FARP2: variants seen among roughly 807,000 people sequenced by gnomAD.
FARP2 encodes the protein FERM, ARH/RhoGEF and pleckstrin domain protein 2, also known as FERM, ARHGEF and pleckstrin domain-containing protein 2.
In FARP2, 111 loss-of-function variants were observed where a neutral mutation model predicts 130.5. That is an observed-to-expected ratio of 0.85 (90% confidence interval 0.73 to 1.00). The LOEUF is 1.00. Ranked by LOEUF, FARP2 falls within the 50% of genes least tolerant of loss-of-function variation. The probability of loss-of-function intolerance (pLI) is 0.00; values close to 1 mark genes in which losing one functional copy is unlikely to be tolerated. For synonymous variants in FARP2, 504 were observed against 516.9 expected (o/e 0.98, Z 0.34); for missense variants, 1,385 against 1,346.3 (o/e 1.03, Z -0.45).
intron 5 of FARP2, among the ~76,000 whole-genome samples, chr2:241,407,979 C>T (rs1235249639): frequency 6.6e-6 from 1 of 151,860 alleles, no homozygotes. Context: ...GTAGAAGTAC[C>T]CAGTGTGTTA....
chr2:241,443,577 C>T, intron 13 of FARP2: 1 of 152,246 alleles, frequency 6.6e-6, no homozygotes, highest in East Asian at 1.9e-4. Flanking sequence ...TGCTGGGTAC[C>T]ACATGGAGAG....
intron 1 of FARP2, among the ~76,000 whole-genome samples, chr2:241,369,202 G>C (rs575207346): frequency 1.3e-5 from 2 of 151,538 alleles, no homozygotes; most frequent in East Asian, 3.9e-4. Context: ...CCTTAAGCTA[G>C]GAAAAGTGTT....
chr2:241,421,990 G>A (rs1316218147), intron 8 of FARP2, among the ~76,000 whole-genome samples: 1 of 151,242 alleles, frequency 6.6e-6, no homozygotes, highest in East Asian at 1.9e-4. Context: ...CTAAAAATAC[G>A]AAAATTAGCT....
chr2:241,392,203 T>C (rs1447862085), intron 2 of FARP2, among the ~76,000 whole-genome samples: 1 of 152,208 alleles, frequency 6.6e-6, no homozygotes, highest in African/African-American at 2.4e-5. Context: ...TGTGAGCCGC[T>C]GGCTCTCCTG....
chr2:241,357,662 T>A (rs2061099367), intron 1 of FARP2, among the ~76,000 whole-genome samples: 1 of 152,200 alleles, frequency 6.6e-6, no homozygotes, highest in Non-Finnish European at 1.5e-5. Context: ...ATACCATCTG[T>A]ACTTCTCATG....
At chr2:241,406,210 G>A (rs923272805) in intron 4 of FARP2, among the ~76,000 whole-genome samples, 6 of 148,014 alleles carry the variant, frequency 4.1e-5, no homozygotes, top group African/African-American at 1.5e-4. Context: ...CAGGAGGCTG[G>A]GGCAGGAGAA....
intron 1 of FARP2, 80 bp downstream of exon 1, chr2:241,356,468 G>A (rs1208499499): frequency 1.3e-5 from 2 of 152,306 alleles, no homozygotes; most frequent in African/African-American, 4.8e-5. Context: ...GGCCCGAGGC[G>A]AGAGGCCCAG....
intron 13 of FARP2, 134 bp from the exon 14 acceptor site, chr2:241,456,613 T>C: frequency 1.3e-6 from 1 of 769,954 alleles, no homozygotes; most frequent in Non-Finnish European, 2.2e-6. Context: ...AGGCTGTACA[T>C]ACACATTTTA....
In FARP2 at chr2:241,420,821, TC is replaced by T. The variant is rs1222242958; in HGVS notation, c.771+2714del. ...GGGCTCCACAATTTCATCTCCATCA[TC>T]CACAGAGTTATGACAGCCTCAGTTC... On this transcript the variant is annotated intron_variant, in intron 8 of 26. Transcript: ENST00000264042. Among the ~76,000 whole-genome samples the T allele has an allele frequency of 2.0e-5, 3 of 152,140 alleles. 1 individual carries two copies. The highest frequency in any genetic ancestry group is 7.2e-5 in the African/African-American group (3 of 41,440).
intron 2 of FARP2, among the ~76,000 whole-genome samples, chr2:241,375,391 GT>G (rs1213281098): frequency 7.9e-5 from 12 of 151,836 alleles, no homozygotes; most frequent in African/African-American, 2.9e-4. Context: ...GTACTAATAG[GT>G]TTACTTTTAG....
chr2:241,493,729 A>G (rs1208887538), intron 26 of FARP2: 2 of 511,028 alleles, frequency 3.9e-6, no homozygotes, highest in Non-Finnish European at 7.0e-6. Context: ...TGAGTAACTG[A>G]GATTACAGGC....
intron 8 of FARP2, among the ~76,000 whole-genome samples, chr2:241,424,978 G>A (rs954271410): frequency 6.6e-6 from 1 of 152,110 alleles, no homozygotes; most frequent in Non-Finnish European, 1.5e-5. Flanking sequence ...GAGGCCAATG[G>A]GGGCAGATCA....
intron 12 of FARP2, among the ~76,000 whole-genome samples, chr2:241,436,761 G>C (rs2063240328): frequency 6.6e-6 from 1 of 152,172 alleles, no homozygotes; most frequent in African/African-American, 2.4e-5. Context: ...AGGGCAGGAG[G>C]GTTGCTTCAG....
chr2:241,456,969 C>T lies in FARP2; in HGVS notation c.1587+47C>T, dbSNP rs1309333366. On this transcript the variant is annotated intron_variant, in intron 14 of 26. Coordinates refer to ENST00000264042, the MANE Select transcript of FARP2 (RefSeq NM_014808.4). ...AGCTAGCAGAGGGTTGCAGGGTGGGCCTGTTTTCACTGTTCCTTCGGGTGG... is the reference window on the plus strand; with the variant it reads ...AGCTAGCAGAGGGTTGCAGGGTGGGTCTGTTTTCACTGTTCCTTCGGGTGG... 4.7e-6 allele frequency: 7 copies of T among 1,491,408 alleles called. No individual in the cohort carries two copies. In the South Asian group the frequency reaches 9.3e-5, roughly 20 times the overall value. 92.4% of individuals were successfully genotyped at this position (1,491,408 alleles called of 1,614,324 possible). A position where few individuals can be genotyped will look rare whatever the true frequency, so the allele number is the denominator to read the frequency against.
At position 241,403,542 on chromosome 2, in the gene FARP2, A is replaced by G. The variant is rs546897914; in HGVS notation, c.184-286A>G. Reference sequence around the variant, plus strand: ...ATCGAAATTATTTGATAAAATATTTACCAAAACTAGAAATGGTTTCTATAG... The same window carrying G: ...ATCGAAATTATTTGATAAAATATTTGCCAAAACTAGAAATGGTTTCTATAG... On this transcript the variant is annotated intron_variant, in intron 2 of 26. Transcript: ENST00000264042. Among the ~76,000 whole-genome samples the G allele has an allele frequency of 7.8e-4, 119 of 152,338 alleles. 1 individual carries two copies. Among genetic ancestry groups the G allele is most frequent in the African/African-American group, 2.5e-3 (104 of 41,578 alleles).
chr2:241,485,493 C>T (rs2064730729), intron 21 of FARP2, among the ~76,000 whole-genome samples: 1 of 150,366 alleles, frequency 6.7e-6, no homozygotes, highest in South Asian at 2.1e-4. Flanking sequence ...CTCCCTCCCT[C>T]CCTGAGGTCC....
intron 18 of FARP2, among the ~76,000 whole-genome samples, chr2:241,474,804 TAAA>T (rs1559805042): frequency 1.9e-5 from 2 of 104,810 alleles, no homozygotes; most frequent in Non-Finnish European, 4.2e-5. Context: ...ATAATAATAA[TAAA>T]TAAATAAATA....
At chr2:241,410,289 C>T (rs962934759) in intron 5 of FARP2, among the ~76,000 whole-genome samples, 6 of 152,116 alleles carry the variant, frequency 3.9e-5, no homozygotes, top group Non-Finnish European at 8.8e-5. Context: ...TTGGATATTT[C>T]TCCTATTTCA....
chr2:241,426,262 A>T (rs184630265), intron 8 of FARP2, among the ~76,000 whole-genome samples: 1 of 152,310 alleles, frequency 6.6e-6, no homozygotes, highest in East Asian at 1.9e-4. Context: ...AAGAGTGTTA[A>T]CTAGGGATAG....
Sources: gnomAD v4.1 joint callset for allele counts (sites outside exome capture counted in the v4.1 genomes callset) on GRCh38, gnomAD v4.1.1 for gene constraint, MANE v1.5 for transcripts, NCBI Gene and HGNC (gene_info 2026-07-23, HGNC 2026-07-21) for gene names.